The following PTPRM variants were observed in gnomAD, a reference collection of about 807,000 sequenced individuals.
The protein encoded by PTPRM is receptor-type tyrosine-protein phosphatase mu.
Under a neutral mutation model 186.7 loss-of-function variants are expected in PTPRM, and 47 were observed. The ratio of observed to expected loss-of-function variants is 0.25; its 90% CI spans 0.20 to 0.32. The LOEUF (loss-of-function observed/expected upper bound fraction) is 0.32, where lower values mean the gene tolerates loss of function less well. Ranked by LOEUF, PTPRM falls within the 10% of genes least tolerant of loss-of-function variation. The pLI is 1.00. For missense variants in PTPRM, 1,494 were observed against 1,865.0 expected (o/e 0.80, Z 3.66); for synonymous variants, 668 against 674.9 (o/e 0.99, Z 0.16).
In PTPRM at chr18:8,347,121, G is replaced by A. The variant is rs563030283; in HGVS notation, c.3054+3601G>A. The stretch of plus-strand genomic sequence containing the variant: ...AAAGAGGTACCTGGAGCCCACTCTC[G>A]GGTGCCTTCCTTTCACAATCCCAGC... On this transcript the variant is annotated intron_variant, in intron 23 of 32. Transcript: ENST00000580170. Among the ~76,000 whole-genome samples the A allele has an allele frequency of 3.5e-4, 53 of 152,238 alleles. No individual in the cohort carries two copies. The South Asian group carries it at 0.011, about 32-fold the overall frequency.
At chr18:8,390,070 G>A (rs2095801486) in intron 31 of PTPRM, among the ~76,000 whole-genome samples, 1 of 152,342 alleles carries the variant, frequency 6.6e-6, no homozygotes, top group African/African-American at 2.4e-5. Context: ...AGTATTAGGT[G>A]CAAAGCTGAT....
At chr18:8,002,048 C>T (rs1465182180) in intron 7 of PTPRM, among the ~76,000 whole-genome samples, 1 of 152,072 alleles carries the variant, frequency 6.6e-6, no homozygotes, top group Non-Finnish European at 1.5e-5. Flanking sequence ...TTATTTTGGC[C>T]ATTAGAGGAC....
intron 1 of PTPRM, among the ~76,000 whole-genome samples, chr18:7,611,971 T>C (rs1216576816): frequency 6.6e-6 from 1 of 152,230 alleles, no homozygotes; most frequent in Admixed American, 6.5e-5. Context: ...TGTGTAAGTG[T>C]ACTTTGTGAT....
intron 20 of PTPRM, among the ~76,000 whole-genome samples, chr18:8,300,701 C>G (rs1193222834): frequency 3.9e-5 from 6 of 152,118 alleles, no homozygotes; most frequent in Non-Finnish European, 8.8e-5. Context: ...GCTACGTTTT[C>G]TAGCCCCCAC....
chr18:7,806,923 T>C (rs1215860809), intron 2 of PTPRM, among the ~76,000 whole-genome samples: 1 of 152,216 alleles, frequency 6.6e-6, no homozygotes, highest in Non-Finnish European at 1.5e-5. Context: ...CTTTTTCCCA[T>C]TTTCCCTGAC....
At chr18:8,202,753 T>C (rs531004946) in intron 14 of PTPRM, among the ~76,000 whole-genome samples, 14 of 152,306 alleles carry the variant, frequency 9.2e-5, no homozygotes, top group African/African-American at 3.4e-4. Context: ...TAAGCATTTT[T>C]CTCCTTGACT....
At chr18:8,277,660 T>A (rs1238349243) in intron 19 of PTPRM, among the ~76,000 whole-genome samples, 1 of 152,236 alleles carries the variant, frequency 6.6e-6, no homozygotes, top group East Asian at 1.9e-4. Context: ...TGATTAGAAA[T>A]CTTACAGAGT....
intron 5 of PTPRM, among the ~76,000 whole-genome samples, chr18:7,948,176 CAG>C (rs950487063): frequency 7.2e-6 from 1 of 138,044 alleles, no homozygotes; most frequent in African/African-American, 2.6e-5. Flanking sequence ...CACACACACA[CAG>C]GTTTCCGCTT....
At chr18:8,252,456 C>CT (rs765222654) in intron 17 of PTPRM, 32 bp from the exon 18 acceptor site, 3 of 1,521,960 alleles carry the variant, frequency 2.0e-6, no homozygotes, top group Non-Finnish European at 2.7e-6. Flanking sequence ...TTTTCTCCTC[C>CT]TTTTTTCTCC....
rs947171229 is a variant in PTPRM at position 8,266,098 on chromosome 18, C to T, written c.2754+12684C>T. Among the ~76,000 whole-genome samples the T allele has an allele frequency of 2.0e-5, 3 of 152,128 alleles. No individual in the cohort carries two copies. The East Asian group carries it at 5.8e-4, about 29-fold the overall frequency. On this transcript the variant is annotated intron_variant, in intron 19 of 32. Coordinates refer to ENST00000580170, the MANE Select transcript of PTPRM (RefSeq NM_001105244.2). The stretch of plus-strand genomic sequence containing the variant: ...CTATCTTTTCTTCCTCTTGTCTCCC[C>T]TCATTTCAGCCTCTTCCGAATCTCA...
At chr18:7,776,313 C>G (rs932813570) in intron 2 of PTPRM, among the ~76,000 whole-genome samples, 1 of 152,228 alleles carries the variant, frequency 6.6e-6, no homozygotes, top group African/African-American at 2.4e-5. Context: ...AAACAGATTG[C>G]AACTCATTGT....
At chr18:8,276,981 C>T (rs934906128) in intron 19 of PTPRM, among the ~76,000 whole-genome samples, 1 of 151,822 alleles carries the variant, frequency 6.6e-6, no homozygotes, top group African/African-American at 2.4e-5. Context: ...ACTCTGTTGC[C>T]CAGGCTGGAG....
chr18:7,814,215 C>G (rs1214329793), intron 2 of PTPRM: 1 of 150,686 alleles, frequency 6.6e-6, no homozygotes, highest in African/African-American at 2.5e-5. Context: ...CTGTGGGGAT[C>G]CCCGTTCTTC....
intron 7 of PTPRM, among the ~76,000 whole-genome samples, chr18:8,006,773 G>A (rs944278290): frequency 6.6e-6 from 1 of 152,174 alleles, no homozygotes; most frequent in African/African-American, 2.4e-5. Flanking sequence ...CAGAACACTC[G>A]TGTGGGTTTG....
intron 1 of PTPRM, among the ~76,000 whole-genome samples, chr18:7,754,317 T>A (rs980422098): frequency 1.3e-5 from 2 of 152,240 alleles, no homozygotes; most frequent in Admixed American, 6.5e-5. Flanking sequence ...TACCCGACAT[T>A]TCCTGTGTGC....
intron 1 of PTPRM, among the ~76,000 whole-genome samples, chr18:7,705,318 TCTATCTATCTGTCTATCTAG>T (rs1391709066): frequency 1.4e-5 from 2 of 147,148 alleles, no homozygotes; most frequent in Non-Finnish European, 1.5e-5. Flanking sequence ...TATCTATCTA[TCTATCTATCTGTCTATCTAG>T]CTAGCTAGCT....
At chr18:7,590,567 G>T (rs915656601) in intron 1 of PTPRM, among the ~76,000 whole-genome samples, 7 of 152,184 alleles carry the variant, frequency 4.6e-5, no homozygotes, top group African/African-American at 1.7e-4. Context: ...TAAAAAAATT[G>T]GGAACAACCT....
intron 7 of PTPRM, among the ~76,000 whole-genome samples, chr18:8,053,294 G>T (rs1378053786): frequency 6.6e-6 from 1 of 152,102 alleles, no homozygotes; most frequent in East Asian, 1.9e-4. Context: ...GATAGTTGGT[G>T]CTTAAGAACT....
At chr18:8,079,761 A>C (rs1370887101) in intron 9 of PTPRM, among the ~76,000 whole-genome samples, 1 of 152,072 alleles carries the variant, frequency 6.6e-6, no homozygotes, top group East Asian at 1.9e-4. Context: ...GCAGTCATTA[A>C]AAATAAAGAT....
Sources: gnomAD v4.1 joint callset for allele counts (sites outside exome capture counted in the v4.1 genomes callset) on GRCh38, gnomAD v4.1.1 for gene constraint, MANE v1.5 for transcripts, NCBI Gene and HGNC (gene_info 2026-07-23, HGNC 2026-07-21) for gene names.